The following RBMS1 variants were observed in gnomAD, a reference collection of about 807,000 sequenced individuals.
The protein encoded by RBMS1 is RNA binding motif single stranded interacting protein 1, also known as RNA-binding motif, single-stranded-interacting protein 1.
Under a neutral mutation model 62.3 loss-of-function variants are expected in RBMS1, and 17 were observed. That is an observed-to-expected ratio of 0.27 (90% CI 0.19 to 0.41). The LOEUF is 0.41. Among genes scored for constraint, RBMS1 ranks in the 10% least tolerant of loss-of-function variants. The pLI is 1.00. For synonymous variants in RBMS1, 172 were observed against 170.0 expected, an observed-to-expected ratio of 1.01 and a Z score of -0.09; for missense variants, 334 against 504.5, an observed-to-expected ratio of 0.66 and a Z score of 3.24.
intron 1 of RBMS1, among the ~76,000 whole-genome samples, chr2:160,372,551 C>CT (rs1277216407): frequency 6.6e-6 from 1 of 152,212 alleles, no homozygotes; most frequent in African/African-American, 2.4e-5. Context: ...ACAATGTCTG[C>CT]TACACTTATT....
chr2:160,470,568 C>T (rs1156822108), intron 1 of RBMS1, among the ~76,000 whole-genome samples: 1 of 152,186 alleles, frequency 6.6e-6, no homozygotes, highest in Non-Finnish European at 1.5e-5. Context: ...GAAATTCCTA[C>T]AGCTATGCAA....
chr2:160,296,890 T>C (rs1559338412), intron 6 of RBMS1, among the ~76,000 whole-genome samples: 2 of 152,194 alleles, frequency 1.3e-5, no homozygotes, highest in Non-Finnish European at 2.9e-5. Context: ...CATTCAGATA[T>C]GAGCACCAGT....
chr2:160,491,541 A>C lies in RBMS1; in HGVS notation c.75+1748T>G, dbSNP rs1208717290. 1.3e-4 allele frequency among the ~76,000 whole-genome samples: 20 copies of C among 152,244 alleles called. 1 individual carries two copies. Among genetic ancestry groups the C allele is most frequent in the Non-Finnish European group, 1.5e-5 (1 of 68,046 alleles). On this transcript the variant is annotated intron_variant, in intron 1 of 13. Transcript: ENST00000348849. Reference sequence around the variant, plus strand: ...AGCCAAATGGCATTGCATTAGCTACATTAAATGGTATGGACTTGGTTTCTA... The same window carrying C: ...AGCCAAATGGCATTGCATTAGCTACCTTAAATGGTATGGACTTGGTTTCTA...
chr2:160,329,374 G>T (rs1691129668), intron 2 of RBMS1, among the ~76,000 whole-genome samples: 1 of 152,190 alleles, frequency 6.6e-6, no homozygotes, highest in South Asian at 2.1e-4. Flanking sequence ...AAGGTCACTT[G>T]TGACAATGGT....
chr2:160,314,909 G>A (rs1245510312), intron 3 of RBMS1, among the ~76,000 whole-genome samples: 1 of 152,056 alleles, frequency 6.6e-6, no homozygotes, highest in East Asian at 1.9e-4. Flanking sequence ...TACACACACA[G>A]GCATGTACAT....
At chr2:160,286,508 C>T (rs1034245637) in intron 7 of RBMS1, among the ~76,000 whole-genome samples, 2 of 151,720 alleles carry the variant, frequency 1.3e-5, no homozygotes, top group Non-Finnish European at 2.9e-5. Flanking sequence ...TTAGTAGAGA[C>T]GGGGTTTCGC....
At chr2:160,400,574 G>A (rs1364769203) in intron 1 of RBMS1, among the ~76,000 whole-genome samples, 9 of 152,092 alleles carry the variant, frequency 5.9e-5, no homozygotes, top group Non-Finnish European at 2.9e-5. Flanking sequence ...TTGTGATAAT[G>A]CCTCTATATT....
intron 1 of RBMS1, among the ~76,000 whole-genome samples, chr2:160,462,357 C>T (rs1436531781): frequency 2.0e-5 from 3 of 152,144 alleles, no homozygotes; most frequent in Admixed American, 2.0e-4. Flanking sequence ...CAGCCCTGAG[C>T]AGGCCTTTAA....
intron 2 of RBMS1, among the ~76,000 whole-genome samples, chr2:160,329,973 T>C (rs940690788): frequency 6.6e-6 from 1 of 151,958 alleles, no homozygotes; most frequent in South Asian, 2.1e-4. Context: ...GATTAGTAAA[T>C]AGAAGGTCAG....
chr2:160,359,517 C>T (rs1461733070), intron 2 of RBMS1, among the ~76,000 whole-genome samples: 1 of 152,164 alleles, frequency 6.6e-6, no homozygotes, highest in African/African-American at 2.4e-5. Context: ...TTTCCTACCT[C>T]ATCATAGGAT....
intron 2 of RBMS1, among the ~76,000 whole-genome samples, chr2:160,359,616 A>T (rs969328220): frequency 2.6e-5 from 4 of 152,206 alleles, no homozygotes; most frequent in Admixed American, 2.6e-4. Flanking sequence ...GAGATTTCAA[A>T]ACACTGGGTC....
intron 1 of RBMS1, among the ~76,000 whole-genome samples, chr2:160,371,473 T>C (rs1238217372): frequency 6.6e-6 from 1 of 152,210 alleles, no homozygotes; most frequent in Non-Finnish European, 1.5e-5. Flanking sequence ...CAGCCTTCTC[T>C]AGCCTAATTT....
At chr2:160,398,555 ATTC>A (rs1695265072) in intron 1 of RBMS1, among the ~76,000 whole-genome samples, 1 of 152,142 alleles carries the variant, frequency 6.6e-6, no homozygotes. Flanking sequence ...AGGCTGGACG[ATTC>A]TTCCTTATGA....
chr2:160,397,742 C>T lies in RBMS1; in HGVS notation c.76-30351G>A, dbSNP rs902568034. Among the ~76,000 whole-genome samples, 6 of 152,156 alleles carry T rather than the reference C, an allele frequency of 3.9e-5. 1 individual carries two copies. Among genetic ancestry groups the T allele is most frequent in the African/African-American group, 1.2e-4 (5 of 41,428 alleles). ...CTTCTGTTTTAAAAGTTTACAAAGA[C>T]CTCCCAATGGGTATTTCCAATGGCC... is the stretch of plus-strand genomic sequence containing the variant. On this transcript the variant is annotated intron_variant, in intron 1 of 13. Transcript: ENST00000348849.
intron 1 of RBMS1, among the ~76,000 whole-genome samples, chr2:160,404,036 G>T (rs1462146951): frequency 6.6e-6 from 1 of 152,030 alleles, no homozygotes; most frequent in East Asian, 1.9e-4. Context: ...TTTGGTTTTT[G>T]GGGTGCTCTT....
intron 2 of RBMS1, among the ~76,000 whole-genome samples, chr2:160,320,418 A>G (rs1411687516): frequency 2.0e-5 from 3 of 152,136 alleles, no homozygotes; most frequent in Non-Finnish European, 4.4e-5. Flanking sequence ...GGTTGCAGTG[A>G]GCCATGATCT....
intron 1 of RBMS1, among the ~76,000 whole-genome samples, chr2:160,487,188 T>C (rs1008181835): frequency 1.3e-5 from 2 of 152,238 alleles, no homozygotes; most frequent in African/African-American, 2.4e-5. Context: ...AATTCATTTA[T>C]TCATTTAAAG....
rs1179551110 is a variant in RBMS1, at chr2:160,383,455, G to GC, written c.76-16065_76-16064insG. On this transcript the variant is annotated intron_variant, in intron 1 of 13. Transcript: ENST00000348849. The stretch of plus-strand genomic sequence containing the variant: ...TGGGGTTCTGGTTAGACATGAATTG[G>GC]GGGGGGGGGAACTGACCCACTACAG... 4.7e-5 allele frequency among the ~76,000 whole-genome samples: 7 copies of GC among 149,694 alleles called. No individual in the cohort carries two copies. The East Asian group carries it at 5.9e-4, about 13-fold the overall frequency.
At chr2:160,400,049 T>A (rs1695355398) in intron 1 of RBMS1, among the ~76,000 whole-genome samples, 1 of 152,176 alleles carries the variant, frequency 6.6e-6, no homozygotes, top group South Asian at 2.1e-4. Flanking sequence ...CAGCACTCCC[T>A]GCTCCTCCCC....
Sources: gnomAD v4.1 joint callset for allele counts (sites outside exome capture counted in the v4.1 genomes callset) on GRCh38, gnomAD v4.1.1 for gene constraint, MANE v1.5 for transcripts, NCBI Gene and HGNC (gene_info 2026-07-23, HGNC 2026-07-21) for gene names.